Variants in UBN2 observed in about 807,000 individuals in gnomAD.
UBN2 encodes the protein ubinuclein-2.
A neutral mutation model predicts 120.2 loss-of-function variants in UBN2; 35 were observed. The ratio of observed to expected loss-of-function variants is 0.29; its 90% CI spans 0.22 to 0.39. The LOEUF (loss-of-function observed/expected upper bound fraction) is 0.39, where lower values mean the gene tolerates loss of function less well. Ranked by LOEUF, UBN2 falls within the 10% of genes least tolerant of loss-of-function variation. UBN2 has a pLI of 1.00. For synonymous variants in UBN2, 661 were observed against 648.7 expected (o/e 1.02, Z -0.29); for missense variants, 1,693 against 1,663.2 (o/e 1.02, Z -0.31).
At chr7:139,271,916 C>T (rs531449665) in intron 8 of UBN2, among the ~76,000 whole-genome samples, 45 of 152,164 alleles carry the variant, frequency 3.0e-4, no homozygotes, top group Non-Finnish European at 3.8e-4. Context: ...CACGTGTCTT[C>T]GTGTTCCAGA....
chr7:139,237,976 T>G (rs1266005127), intron 2 of UBN2, among the ~76,000 whole-genome samples: 5 of 152,234 alleles, frequency 3.3e-5, no homozygotes, highest in Admixed American at 6.5e-5. Context: ...ATAGTGGTGT[T>G]TGTTTGAATA....
intron 7 of UBN2, among the ~76,000 whole-genome samples, chr7:139,267,756 A>G (rs1014648544): frequency 6.6e-6 from 1 of 151,166 alleles, no homozygotes; most frequent in African/African-American, 2.5e-5. Flanking sequence ...AAAATGTATA[A>G]CTTAGTCTGC....
At chr7:139,313,398 G>T in the UBN2 span, among the ~76,000 whole-genome samples, 1 of 152,064 alleles carries the variant, frequency 6.6e-6, no homozygotes, top group Non-Finnish European at 1.5e-5. Context: ...CTGATTTATT[G>T]TTGGTACTAA....
Position 139,293,430 on chromosome 7 carries a change from A to G in UBN2, c.3868A>G (p.Thr1290Ala). 6.2e-7 allele frequency: 1 copy of G among 1,614,080 alleles called. No individual in the cohort carries two copies. Among genetic ancestry groups the G allele is most frequent in the Non-Finnish European group, 8.5e-7 (1 of 1,180,002 alleles). ...TGGAGTGACAACCACCTCGGGATCT[A>G]CCTCAGCCGCTTTCCACCATAGCCT... The part of the protein sequence containing the change: ...TAGVTTTSGS[T>A]SAAFHHSLTQ... Residue 1290 changes from threonine to alanine, a missense_variant, in exon 16 of 18, where the codon ACC becomes GCC. Transcript: ENST00000473989.
chr7:139,267,658 G>A (rs1797141069), intron 7 of UBN2, among the ~76,000 whole-genome samples: 1 of 152,166 alleles, frequency 6.6e-6, no homozygotes, highest in South Asian at 2.1e-4. Context: ...CTCATGAGAT[G>A]TGAAGAAGGG....
At chr7:139,235,916 A>G (rs1796152048) in intron 1 of UBN2, among the ~76,000 whole-genome samples, 2 of 152,146 alleles carry the variant, frequency 1.3e-5, no homozygotes, top group African/African-American at 2.4e-5. Flanking sequence ...TATATCCAGG[A>G]TGAAGTGTCT....
Position 139,269,249 on chromosome 7 carries a change from T to G in UBN2, c.1467-145T>G, listed in dbSNP as rs945144529. 1.0e-5 allele frequency: 8 copies of G among 774,248 alleles called. No individual in the cohort carries two copies. The African/African-American group carries it at 1.4e-4, about 14-fold the overall frequency. The allele number at this position is 774,248 out of a possible 1,614,324, so 48.0% of individuals were successfully genotyped here. On this transcript the variant is annotated intron_variant, in intron 7 of 17. Coordinates refer to ENST00000473989, the MANE Select transcript of UBN2 (RefSeq NM_173569.4). The stretch of plus-strand genomic sequence containing the variant: ...AATAAACTGTTTATTGCTATGGGTT[T>G]TTTTTTATTTTTTCCATGAAGAATA...
At chr7:139,254,583 G>T (rs995950290) in intron 3 of UBN2, among the ~76,000 whole-genome samples, 2 of 152,188 alleles carry the variant, frequency 1.3e-5, no homozygotes, top group Non-Finnish European at 2.9e-5. Context: ...GCTATGACTT[G>T]CTTACCCCAC....
At chr7:139,324,044 A>G in the UBN2 span, among the ~76,000 whole-genome samples, 4 of 152,090 alleles carry the variant, frequency 2.6e-5, no homozygotes, top group African/African-American at 9.7e-5. Flanking sequence ...GTGTGGTAGC[A>G]GACTTCCCCT....
At position 139,302,925 on chromosome 7, in the gene UBN2, A is replaced by G. The variant is rs550624241; in HGVS notation, c.*5089A>G. On this transcript the variant is annotated 3_prime_UTR_variant, in exon 18 of 18. Coordinates refer to ENST00000473989, the MANE Select transcript of UBN2 (RefSeq NM_173569.4). ...GAGACAGCATTGGAATAACAAGAGTACCTTGCAAGTCACATTGGTAAGGTG... is the reference window on the plus strand; with the variant it reads ...GAGACAGCATTGGAATAACAAGAGTGCCTTGCAAGTCACATTGGTAAGGTG... 2.0e-5 allele frequency: 3 copies of G among 152,296 alleles called. No homozygotes were observed. The highest frequency in any genetic ancestry group is 7.2e-5 in the African/African-American group (3 of 41,572). The allele number at this position is 152,296 out of a possible 1,614,324, so 9.4% of individuals were successfully genotyped here.
chr7:139,320,322 C>T, the UBN2 span, among the ~76,000 whole-genome samples: 12 of 151,144 alleles, frequency 7.9e-5, no homozygotes, highest in African/African-American at 1.5e-4. Flanking sequence ...ATTAGCCCGG[C>T]GTGGTGGCAG....
the UBN2 span, among the ~76,000 whole-genome samples, chr7:139,317,714 G>A: frequency 1.3e-5 from 2 of 151,810 alleles, no homozygotes; most frequent in African/African-American, 4.8e-5. Context: ...CCAGGCTGGA[G>A]TGCAGTGGCA....
chr7:139,293,540 G>A, intron 16 of UBN2, 77 bp downstream of exon 16: 1 of 1,224,490 alleles, frequency 8.2e-7, no homozygotes, highest in Non-Finnish European at 1.2e-6. Context: ...TTCTAATTAA[G>A]AGTAGTCCAG....
rs1159268876 is a variant in UBN2 at position 139,298,659 on chromosome 7, C to T, written c.*823C>T. 1.3e-5 allele frequency: 2 copies of T among 151,732 alleles called. No homozygotes were observed. The highest frequency in any genetic ancestry group is 4.8e-5 in the African/African-American group (2 of 41,282). The allele number at this position is 151,732 out of a possible 1,614,324, so 9.4% of individuals were successfully genotyped here. On this transcript the variant is annotated 3_prime_UTR_variant, in exon 18 of 18. Transcript: ENST00000473989. ...GTATTGACTGGTTAATTCTTATTTC[C>T]ATTCTTGATGTTAAAATGTGACTGT...
At chr7:139,244,290 A>G (rs941227173) in intron 2 of UBN2, among the ~76,000 whole-genome samples, 1 of 152,242 alleles carries the variant, frequency 6.6e-6, no homozygotes, top group African/African-American at 2.4e-5. Context: ...CACTGTGAAT[A>G]GTTTGATAGT....
chr7:139,311,811 C>G (rs1000938409), downstream of UBN2, among the ~76,000 whole-genome samples: 1 of 152,192 alleles, frequency 6.6e-6, no homozygotes, highest in African/African-American at 2.4e-5. Flanking sequence ...ATCAGAAACC[C>G]CTGGCTGAAA....
At chr7:139,246,517 C>T (rs1339851303) in intron 2 of UBN2, among the ~76,000 whole-genome samples, 1 of 152,164 alleles carries the variant, frequency 6.6e-6, no homozygotes, top group Non-Finnish European at 1.5e-5. Context: ...GGGAGAGACA[C>T]TTGGAAGCAG....
chr7:139,263,525 G>A (rs930649983), intron 6 of UBN2, among the ~76,000 whole-genome samples: 1 of 152,168 alleles, frequency 6.6e-6, no homozygotes, highest in Non-Finnish European at 1.5e-5. Context: ...TGTAATCCCA[G>A]CACTTTGGGA....
chr7:139,275,938 C>T (rs948607132), intron 11 of UBN2, among the ~76,000 whole-genome samples, 159 bp from the exon 12 acceptor site: 3 of 152,118 alleles, frequency 2.0e-5, no homozygotes, highest in Non-Finnish European at 4.4e-5. Context: ...ATAAAACTCT[C>T]CATAAAATAG....
Sources: gnomAD v4.1 joint callset for allele counts (sites outside exome capture counted in the v4.1 genomes callset) on GRCh38, gnomAD v4.1.1 for gene constraint, MANE v1.5 for transcripts, NCBI Gene and HGNC (gene_info 2026-07-23, HGNC 2026-07-21) for gene names.